The following LMNB1 variants were observed in gnomAD, a reference collection of about 807,000 sequenced individuals.
LMNB1 encodes the protein lamin-B1.
Under a neutral mutation model 67.1 loss-of-function variants are expected in LMNB1, and 23 were observed. The observed-to-expected ratio is 0.34, with a 90% CI of 0.25 to 0.49. The LOEUF is 0.49. LMNB1 is among the 20% of genes least tolerant of loss of function. The pLI is 0.99. For missense variants in LMNB1, 634 were observed against 746.5 expected (o/e 0.85, Z 1.76); for synonymous variants, 281 against 282.9 (o/e 0.99, Z 0.07).
chr5:126,822,671 G>C (rs1422846182), intron 7 of LMNB1, 110 bp from the exon 8 acceptor site: 2 of 583,930 alleles, frequency 3.4e-6, no homozygotes, highest in African/African-American at 3.9e-5. Context: ...GTGGGAAGAT[G>C]ACCATAAAGC....
At chr5:126,807,906 C>A (rs1284848400) in intron 3 of LMNB1, among the ~76,000 whole-genome samples, 1 of 139,570 alleles carries the variant, frequency 7.2e-6, no homozygotes, top group Non-Finnish European at 1.6e-5. Context: ...GAGTCCTGCT[C>A]TCTCGCCCAG....
Position 126,836,990 on chromosome 5 carries a change from TTAAC to T in LMNB1, c.*727_*730del. ...ACTTGCTTAAATTTCTTATGTGACA[TTAAC>T]AAATAAAAAAGCTCTTTTAATATTG... On this transcript the variant is annotated 3_prime_UTR_variant, in exon 11 of 11. Coordinates refer to ENST00000261366, the MANE Select transcript of LMNB1 (RefSeq NM_005573.4). 1 of 398,016 alleles carries T rather than the reference TTAAC, an allele frequency of 2.5e-6. No individual in the cohort carries two copies. The highest frequency in any genetic ancestry group is 4.4e-6 in the Non-Finnish European group (1 of 225,748). 24.7% of individuals were successfully genotyped at this position (398,016 alleles called of 1,614,324 possible). A position where few individuals can be genotyped will look rare whatever the true frequency, so the allele number is the denominator to read the frequency against.
Position 126,836,539 on chromosome 5 carries a change from A to G in LMNB1, c.*275A>G. The G allele has an allele frequency of 8.5e-6, 3 of 354,556 alleles. No homozygotes were observed. The highest frequency in any genetic ancestry group is 1.5e-5 in the Non-Finnish European group (3 of 200,280). The allele number at this position is 354,556 out of a possible 1,614,324, so 22.0% of individuals were successfully genotyped here. A position where few individuals can be genotyped will look rare whatever the true frequency, so the allele number is the denominator to read the frequency against. On this transcript the variant is annotated 3_prime_UTR_variant, in exon 11 of 11. Coordinates refer to ENST00000261366, the MANE Select transcript of LMNB1 (RefSeq NM_005573.4). ...CCTCAAATTTTTTGACTTTTTTTGT[A>G]TGTGTGTTTTTTCTTTTTTTTTAAG...
chr5:126,787,546 A>ATATATATATTTTTTTTTTTTTTTTTTTTT, intron 1 of LMNB1, among the ~76,000 whole-genome samples: 1 of 65,572 alleles, frequency 1.5e-5, no homozygotes, highest in Non-Finnish European at 2.7e-5. Context: ...ATATATATAT[A>ATATATATATTTTTTTTTTTTTTTTTTTTT]TTTTTTTTTT....
chr5:126,836,330 CT>C lies in LMNB1; in HGVS notation c.*68del. The C allele has an allele frequency of 1.0e-6, 1 of 995,320 alleles. No homozygotes were observed. Among genetic ancestry groups the C allele is most frequent in the East Asian group, 2.5e-5 (1 of 39,516 alleles). 61.7% of individuals were successfully genotyped at this position (995,320 alleles called of 1,614,324 possible). A position where few individuals can be genotyped will look rare whatever the true frequency, so the allele number is the denominator to read the frequency against. ...TCTTTACCTGTATACAGTGCAGAGC[CT>C]TCTCAGAAGCACAGAATATTTTTAT... On this transcript the variant is annotated 3_prime_UTR_variant, in exon 11 of 11. Coordinates refer to ENST00000261366, the MANE Select transcript of LMNB1 (RefSeq NM_005573.4).
intron 5 of LMNB1, among the ~76,000 whole-genome samples, chr5:126,817,545 T>A (rs1751742485): frequency 6.6e-6 from 1 of 152,210 alleles, no homozygotes; most frequent in Admixed American, 6.5e-5. Flanking sequence ...CAGATGTCTC[T>A]GACTTGAATC....
intron 1 of LMNB1, among the ~76,000 whole-genome samples, chr5:126,792,434 G>A (rs1201482653): frequency 6.6e-6 from 1 of 152,102 alleles, no homozygotes; most frequent in Middle Eastern, 3.2e-3. Flanking sequence ...ACTGTGCCTG[G>A]TGTGTTTGGT....
Position 126,810,356 on chromosome 5 carries a change from C to G in LMNB1, c.813+6C>G. 6.3e-7 allele frequency: 1 copy of G among 1,592,424 alleles called. No individual in the cohort carries two copies. The highest frequency in any genetic ancestry group is 1.1e-5 in the South Asian group (1 of 89,906). Reference sequence around the variant, plus strand: ...AGCAGACTTACCATGCCAAAGTGAGCTCTCTTCAGAAGATTCTTTTGAACA... The same window carrying G: ...AGCAGACTTACCATGCCAAAGTGAGGTCTCTTCAGAAGATTCTTTTGAACA... On this transcript the variant is annotated splice_donor_region_variant and intron_variant, in intron 4 of 10. Coordinates refer to ENST00000261366, the MANE Select transcript of LMNB1 (RefSeq NM_005573.4).
intron 7 of LMNB1, among the ~76,000 whole-genome samples, chr5:126,821,765 G>C (rs770888087): frequency 6.6e-6 from 1 of 152,320 alleles, no homozygotes; most frequent in East Asian, 1.9e-4. Flanking sequence ...GGCCATGATG[G>C]GTTGTGAGAT....
At chr5:126,795,544 CTAG>C (rs1751065677) in intron 1 of LMNB1, among the ~76,000 whole-genome samples, 1 of 152,134 alleles carries the variant, frequency 6.6e-6, no homozygotes, top group Non-Finnish European at 1.5e-5. Flanking sequence ...AAGTTATCAC[CTAG>C]TAATGATATA....
intron 1 of LMNB1, among the ~76,000 whole-genome samples, chr5:126,793,408 TAG>T (rs1410691131): frequency 5.3e-5 from 8 of 152,208 alleles, no homozygotes; most frequent in Admixed American, 4.6e-4. Flanking sequence ...GAGTTTCAAC[TAG>T]AGTTTGCCTG....
At chr5:126,806,934 C>T (rs979734268) in intron 3 of LMNB1, among the ~76,000 whole-genome samples, 8 of 152,100 alleles carry the variant, frequency 5.3e-5, no homozygotes, top group African/African-American at 1.4e-4. Flanking sequence ...CATGCACCCA[C>T]GCCCTGCTAA....
intron 3 of LMNB1, among the ~76,000 whole-genome samples, chr5:126,806,039 C>G (rs1334866601): frequency 2.6e-5 from 4 of 152,254 alleles, no homozygotes; most frequent in African/African-American, 9.6e-5. Context: ...CTTTCAACCT[C>G]TGCCTCCTGG....
chr5:126,817,134 T>A (rs901886715), intron 5 of LMNB1, among the ~76,000 whole-genome samples: 2 of 152,330 alleles, frequency 1.3e-5, no homozygotes, highest in Admixed American at 1.3e-4. Context: ...ACTTTATACT[T>A]TGGGTTGTAA....
At chr5:126,828,397 A>C (rs7729845) in intron 9 of LMNB1, among the ~76,000 whole-genome samples, 23,021 of 152,148 alleles carry the variant, frequency 0.15, 1,795 homozygotes, top group Middle Eastern at 0.17. Context: ...TAAATGCCCC[A>C]AAAAATAGAT....
At chr5:126,785,005 G>A (rs1046305055) in intron 1 of LMNB1, among the ~76,000 whole-genome samples, 1 of 149,392 alleles carries the variant, frequency 6.7e-6, no homozygotes. Context: ...TTTTGAGACG[G>A]AGTCTTGCTG....
chr5:126,825,366 G>A (rs1751970907), intron 8 of LMNB1, among the ~76,000 whole-genome samples: 1 of 152,154 alleles, frequency 6.6e-6, no homozygotes, highest in African/African-American at 2.4e-5. Flanking sequence ...TACATTTCCA[G>A]CATTCTTTTT....
chr5:126,829,480 A>C (rs1580558192), intron 9 of LMNB1, among the ~76,000 whole-genome samples: 1 of 151,888 alleles, frequency 6.6e-6, no homozygotes. Context: ...TACCCAATTA[A>C]ATGAATACAT....
chr5:126,810,478 T>C, intron 4 of LMNB1, 128 bp downstream of exon 4: 1 of 691,790 alleles, frequency 1.4e-6, no homozygotes. Context: ...CCATGAAATA[T>C]ATAGAAAATT....
Sources: allele counts gnomAD v4.1 joint callset (sites outside exome capture counted in the v4.1 genomes callset), GRCh38; gene constraint gnomAD v4.1.1; transcripts MANE v1.5; gene names NCBI Gene and HGNC (gene_info 2026-07-23, HGNC 2026-07-21).